SAMD12: variants seen among roughly 807,000 people sequenced by gnomAD.
The protein encoded by SAMD12 is sterile alpha motif domain containing 12.
SAMD12 carries 9 observed loss-of-function variants against 15.0 expected under a neutral mutation model. The ratio of observed to expected loss-of-function variants is 0.60; its 90% CI spans 0.36 to 1.05. SAMD12 has a LOEUF of 1.05. Among genes scored for constraint, SAMD12 ranks in the 50% least tolerant of loss-of-function variants. SAMD12 has a pLI of 0.01. For synonymous variants in SAMD12, 86 were observed against 90.1 expected (o/e 0.96, Z 0.25); for missense variants, 230 against 234.2 (o/e 0.98, Z 0.12).
intron 3 of SAMD12, among the ~76,000 whole-genome samples, chr8:118,381,612 A>G (rs1432223759): frequency 6.6e-5 from 10 of 152,188 alleles, no homozygotes; most frequent in Non-Finnish European, 1.5e-4. Flanking sequence ...GTGACAATGG[A>G]TGCAGAGGTC....
intron 4 of SAMD12, among the ~76,000 whole-genome samples, chr8:118,211,069 T>A (rs1271324592): frequency 1.3e-5 from 2 of 152,176 alleles, no homozygotes; most frequent in Non-Finnish European, 2.9e-5. Context: ...TGCATGCTAT[T>A]ATAGAAGGGC....
chr8:118,439,988 A>G, intron 2 of SAMD12, 27 bp from the exon 3 acceptor site: 3 of 1,612,478 alleles, frequency 1.9e-6, no homozygotes, highest in Non-Finnish European at 2.5e-6. Flanking sequence ...AAGATCTGTC[A>G]ATGCTGGCCC....
At chr8:118,226,723 T>C (rs1054878784) in intron 4 of SAMD12, among the ~76,000 whole-genome samples, 2 of 152,160 alleles carry the variant, frequency 1.3e-5, no homozygotes, top group Non-Finnish European at 2.9e-5. Context: ...TCCAGTAAAC[T>C]CTGTGTAGTA....
chr8:118,237,209 T>G (rs1335606065), intron 4 of SAMD12, among the ~76,000 whole-genome samples: 1 of 152,176 alleles, frequency 6.6e-6, no homozygotes, highest in African/African-American at 2.4e-5. Context: ...TTAAAAATTT[T>G]GTAACCTTGG....
intron 2 of SAMD12, among the ~76,000 whole-genome samples, chr8:118,472,759 G>GA (rs952906893): frequency 7.1e-6 from 1 of 140,802 alleles, no homozygotes; most frequent in Non-Finnish European, 1.6e-5. Context: ...TATCCTAATA[G>GA]AAGAAAGTGG....
At chr8:118,515,015 T>C (rs1208290459) in intron 2 of SAMD12, among the ~76,000 whole-genome samples, 1 of 151,580 alleles carries the variant, frequency 6.6e-6, no homozygotes, top group Non-Finnish European at 1.5e-5. Flanking sequence ...TTTGTTTGTT[T>C]GTTTGTTTGT....
intron 4 of SAMD12, among the ~76,000 whole-genome samples, chr8:118,311,531 A>G (rs1473488975): frequency 6.6e-6 from 1 of 152,212 alleles, no homozygotes; most frequent in Non-Finnish European, 1.5e-5. Context: ...TCTGTAACAT[A>G]TAGTTATGCT....
chr8:118,440,711 C>T (rs987844767), intron 2 of SAMD12, among the ~76,000 whole-genome samples: 1 of 146,228 alleles, frequency 6.8e-6, no homozygotes, highest in East Asian at 1.9e-4. Flanking sequence ...CACACACACA[C>T]ACACATATAA....
intron 4 of SAMD12, among the ~76,000 whole-genome samples, chr8:118,344,296 G>A (rs1817517866): frequency 6.6e-6 from 1 of 152,202 alleles, no homozygotes; most frequent in Non-Finnish European, 1.5e-5. Context: ...CTGCTCTGAG[G>A]TCACAGTTCC....
chr8:118,374,454 A>T (rs1819273294), downstream of SAMD12, among the ~76,000 whole-genome samples: 1 of 152,116 alleles, frequency 6.6e-6, no homozygotes, highest in Non-Finnish European at 1.5e-5. Context: ...TGGGTGTACA[A>T]TTATTTCAAG....
intron 2 of SAMD12, among the ~76,000 whole-genome samples, chr8:118,452,528 T>C (rs1311668510): frequency 1.3e-5 from 2 of 152,210 alleles, no homozygotes; most frequent in African/African-American, 4.8e-5. Context: ...TTTATTTATA[T>C]AAACTTTTTC....
At chr8:118,364,657 G>T (rs960177851) in intron 4 of SAMD12, among the ~76,000 whole-genome samples, 1 of 152,150 alleles carries the variant, frequency 6.6e-6, no homozygotes, top group Non-Finnish European at 1.5e-5. Context: ...GGGCCTGAGG[G>T]TCTAATTTGT....
intron 2 of SAMD12, among the ~76,000 whole-genome samples, chr8:118,468,839 A>G (rs1418355284): frequency 1.3e-5 from 2 of 152,214 alleles, no homozygotes; most frequent in Non-Finnish European, 2.9e-5. Flanking sequence ...GCAATTGCCA[A>G]GCTAAGGAGA....
intron 2 of SAMD12, among the ~76,000 whole-genome samples, chr8:118,515,835 T>A (rs1429324943): frequency 6.6e-6 from 1 of 152,230 alleles, no homozygotes; most frequent in Admixed American, 6.5e-5. Context: ...GCATGGTACT[T>A]TGAATGCCTT....
At chr8:118,281,449 A>G (rs1363053200) in intron 4 of SAMD12, among the ~76,000 whole-genome samples, 2 of 152,292 alleles carry the variant, frequency 1.3e-5, no homozygotes, top group East Asian at 3.9e-4. Context: ...GTCATCTAAC[A>G]CAGTGCTGAC....
At chr8:118,523,386 C>T (rs1410388915) in intron 2 of SAMD12, among the ~76,000 whole-genome samples, 1 of 152,176 alleles carries the variant, frequency 6.6e-6, no homozygotes, top group Non-Finnish European at 1.5e-5. Flanking sequence ...AATCATGAAT[C>T]AGCTCCCATA....
In SAMD12 at chr8:118,435,102, CA is replaced by C. The variant is rs746295945; in HGVS notation, c.322+4729del. On this transcript the variant is annotated intron_variant, in intron 3 of 3. Coordinates refer to ENST00000314727, the MANE Select transcript of SAMD12 (RefSeq NM_207506.3). ...TGGGCGACAGAGTGAGACTCCATCT[CA>C]AAAAAAAAAAAAAAAAGTGTGCTTC... Among the ~76,000 whole-genome samples the C allele has an allele frequency of 1.6e-3, 189 of 120,252 alleles. 40 individuals carry two copies. The highest frequency in any genetic ancestry group is 1.9e-3 in the Non-Finnish European group (109 of 58,708). 78.9% of individuals were successfully genotyped at this position (120,252 alleles called of 152,430 possible).
At chr8:118,242,516 A>C (rs1462753534) in intron 4 of SAMD12, among the ~76,000 whole-genome samples, 1 of 152,136 alleles carries the variant, frequency 6.6e-6, no homozygotes, top group East Asian at 1.9e-4. Flanking sequence ...TTGTCCTATT[A>C]TATTAGTTGT....
chr8:118,267,208 C>T (rs1813224633), intron 4 of SAMD12, among the ~76,000 whole-genome samples: 1 of 152,094 alleles, frequency 6.6e-6, no homozygotes, highest in Non-Finnish European at 1.5e-5. Context: ...CTCTTCCCTC[C>T]TCCACCTCAG....
Sources: allele counts gnomAD v4.1 joint callset (sites outside exome capture counted in the v4.1 genomes callset), GRCh38; gene constraint gnomAD v4.1.1; transcripts MANE v1.5; gene names NCBI Gene and HGNC (gene_info 2026-07-23, HGNC 2026-07-21).